Variants in ENO4 observed in about 807,000 individuals in gnomAD.
ENO4 encodes the protein 2-phospho-D-glycerate hydro-lyase.
ENO4 carries 53 observed loss-of-function variants against 63.2 expected under a neutral mutation model. That is an observed-to-expected ratio of 0.84 (90% CI 0.67 to 1.05). The LOEUF (loss-of-function observed/expected upper bound fraction) is 1.05. Among genes scored for constraint, ENO4 ranks in the 50% least tolerant of loss-of-function variants. ENO4 has a pLI of 0.00. For synonymous variants in ENO4, 266 were observed against 283.8 expected (o/e 0.94, Z 0.63); for missense variants, 719 against 772.0 (o/e 0.93, Z 0.81).
intron 10 of ENO4, among the ~76,000 whole-genome samples, chr10:116,909,721 C>T (rs1848116540): frequency 6.6e-6 from 1 of 152,104 alleles, no homozygotes; most frequent in African/African-American, 2.4e-5. Flanking sequence ...TTGAAACTCC[C>T]CCAAACCAGA....
At position 116,911,529 on chromosome 10, in the gene ENO4, T is replaced by C. The variant is rs74159005; in HGVS notation, c.1226T>C (p.Ile409Thr). Residue 409 changes from isoleucine (I) to threonine (T), a missense_variant, in exon 11 of 11, where the codon ATT becomes ACT. Physicochemically the swap from Ile to Thr is moderately conservative, Grantham distance 89. Transcript: ENST00000369207. ...TCATCTTCAAGCTGTGATGCCAGGA[T>C]TGGAGGGCAAGAACAGGAAACAATG... is the stretch of plus-strand genomic sequence containing the variant. 21,263 of 1,550,456 alleles carry C rather than the reference T, an allele frequency of 0.014. 1,592 individuals are homozygous for C. In the African/African-American group the frequency reaches 0.2, roughly 15 times the overall value.
At chr10:116,893,576 G>GCGCGCACACACACACACACACACA (rs1554905664) in intron 10 of ENO4, among the ~76,000 whole-genome samples, 2 of 123,592 alleles carry the variant, frequency 1.6e-5, no homozygotes, top group East Asian at 4.8e-4. Context: ...GCACTCATGT[G>GCGCGCACACACACACACACACACA]CACACACACA....
chr10:116,871,179 T>C lies in ENO4; in HGVS notation c.1102T>C (p.Ser368Pro). The change falls in exon 9 of 14, where the codon TCC becomes CCC. Residue 368 changes from serine (S) to proline (P), a missense_variant. Transcript: ENST00000341276. ...TGGCTGTTTAACCATTAACTGTGAC[T>C]CCATAGAACAGCCACTGCTTCTAAT... is the stretch of plus-strand genomic sequence containing the variant. ...HLGCLTINCD[S>P]IEQPLLLIQE... 6.4e-7 allele frequency: 1 copy of C among 1,550,414 alleles called. No individual in the cohort carries two copies. The highest frequency in any genetic ancestry group is 2.4e-5 in the East Asian group (1 of 40,914).
downstream of ENO4, chr10:116,886,611 G>T: frequency 6.2e-7 from 1 of 1,606,736 alleles, no homozygotes; most frequent in South Asian, 1.1e-5. Flanking sequence ...AGCAGAGAGA[G>T]AAAATAGTTG....
intron 10 of ENO4, among the ~76,000 whole-genome samples, chr10:116,904,144 T>C (rs1265443059): frequency 1.3e-5 from 2 of 152,154 alleles, no homozygotes; most frequent in African/African-American, 4.8e-5. Flanking sequence ...ACATTTACTT[T>C]CCCAAAAGCC....
intron 7 of ENO4, among the ~76,000 whole-genome samples, chr10:116,864,038 G>A (rs746236827): frequency 1.3e-5 from 2 of 152,144 alleles, no homozygotes; most frequent in African/African-American, 2.4e-5. Flanking sequence ...GAGGGTGACC[G>A]TGAAGAGTAA....
intron 1 of ENO4, 113 bp downstream of exon 1, chr10:116,849,844 C>T: frequency 3.2e-6 from 4 of 1,249,348 alleles, no homozygotes; most frequent in Non-Finnish European, 4.4e-6. Flanking sequence ...GCCAGCCGCC[C>T]GGGCCCTGGG....
rs182724669 is a variant in ENO4 at position 116,879,856 on chromosome 10, T to A, written c.1606-13T>A. 5.1e-4 allele frequency: 792 copies of A among 1,545,178 alleles called. 5 individuals are homozygous for A. The African/African-American group carries it at 9.6e-3, about 19-fold the overall frequency. On this transcript the variant is annotated splice_polypyrimidine_tract_variant and intron_variant, in intron 12 of 13. Coordinates refer to ENST00000341276, the MANE Select transcript of ENO4 (RefSeq NM_001242699.2). ...GCTCCTCCGTCTAAAATTAGTTTTT[T>A]CCCCCCTTTCAGGCTGTTGGGCTTG...
At chr10:116,906,565 G>T (rs1847978857) in intron 10 of ENO4, 4 of 1,490,748 alleles carry the variant, frequency 2.7e-6, no homozygotes, top group Non-Finnish European at 3.6e-6. Flanking sequence ...TGTAAAAAGA[G>T]ACTTAGAAGA....
chr10:116,899,534 T>C (rs1161378632), intron 10 of ENO4, among the ~76,000 whole-genome samples: 3 of 88,096 alleles, frequency 3.4e-5, no homozygotes, highest in Admixed American at 2.3e-4. Flanking sequence ...TGTGTGTGTG[T>C]GTGTGTGTGT....
In ENO4 at chr10:116,857,272, C is replaced by T. The variant is rs571715413; in HGVS notation, c.485+590C>T. On this transcript the variant is annotated intron_variant, in intron 3 of 13. Transcript: ENST00000341276. ...TCAGAAAAACAATCCGATTATGAAT[C>T]CAGAGGATGCCTTTTTCTTCTCCCC... is the stretch of plus-strand genomic sequence containing the variant. 1.1e-4 allele frequency among the ~76,000 whole-genome samples: 16 copies of T among 152,208 alleles called. 1 individual carries two copies. Among genetic ancestry groups the T allele is most frequent in the Non-Finnish European group, 2.2e-4 (15 of 68,010 alleles).
intron 1 of ENO4, among the ~76,000 whole-genome samples, chr10:116,853,730 TACTC>T (rs1038323300): frequency 1.6e-4 from 25 of 152,354 alleles, no homozygotes; most frequent in African/African-American, 5.5e-4. Context: ...TTTAGGCACT[TACTC>T]TGTAACATAC....
intron 7 of ENO4, among the ~76,000 whole-genome samples, chr10:116,866,643 G>A (rs1414978805): frequency 1.3e-5 from 2 of 151,936 alleles, no homozygotes; most frequent in African/African-American, 4.8e-5. Flanking sequence ...GCGAGACCTT[G>A]TCTCCACAAA....
chr10:116,912,301 C>T (rs1848230447), downstream of ENO4, among the ~76,000 whole-genome samples: 3 of 152,160 alleles, frequency 2.0e-5, no homozygotes, highest in Admixed American at 2.0e-4. Context: ...CTCAGCTCCA[C>T]CAGCTATGGG....
At chr10:116,861,788 C>T (rs940545541) in intron 6 of ENO4, among the ~76,000 whole-genome samples, 9 of 151,942 alleles carry the variant, frequency 5.9e-5, no homozygotes, top group African/African-American at 1.7e-4. Flanking sequence ...CCCCAAGCCC[C>T]CTCCAGTAAT....
In ENO4 at chr10:116,881,527, AAC is replaced by A. The variant is rs1290822144; in HGVS notation, c.1741_1742del (p.Thr581PhefsTer5). On this transcript the variant is annotated frameshift_variant, in exon 14 of 14. Transcript: ENST00000341276. LOFTEE classifies it low-confidence loss of function (END_TRUNC). ...TTACTTTAAATAGGTTTCAAAGAAG[AAC>A]ACACTTTTTTTTACTTTAATGAGGA... is the stretch of plus-strand genomic sequence containing the variant. 1.3e-6 allele frequency: 2 copies of A among 1,543,232 alleles called. No homozygotes were observed. The highest frequency in any genetic ancestry group is 1.2e-5 in the South Asian group (1 of 82,798).
chr10:116,878,742 CTTTTTT>C (rs10635577), intron 11 of ENO4, among the ~76,000 whole-genome samples: 7 of 114,346 alleles, frequency 6.1e-5, no homozygotes, highest in Non-Finnish European at 1.2e-4. Flanking sequence ...AATCATATAT[CTTTTTT>C]TTTTTTTTTT....
intron 10 of ENO4, among the ~76,000 whole-genome samples, chr10:116,890,532 C>A (rs1283875598): frequency 1.3e-5 from 2 of 152,174 alleles, no homozygotes; most frequent in Non-Finnish European, 2.9e-5. Flanking sequence ...ATGATCCATT[C>A]ATATAGATAT....
chr10:116,902,932 G>A (rs1291059618), intron 10 of ENO4, among the ~76,000 whole-genome samples: 2 of 152,180 alleles, frequency 1.3e-5, no homozygotes, highest in Admixed American at 6.5e-5. Flanking sequence ...CTGACCATTG[G>A]TATTAAGCTC....
Sources: gnomAD v4.1 joint callset for allele counts (sites outside exome capture counted in the v4.1 genomes callset) on GRCh38, gnomAD v4.1.1 for gene constraint, MANE v1.5 for transcripts, NCBI Gene and HGNC (gene_info 2026-07-23, HGNC 2026-07-21) for gene names.